The following CNOT10 variants were observed in gnomAD, a reference collection of about 807,000 sequenced individuals.
The protein encoded by CNOT10 is CCR4-NOT transcription complex, subunit 10.
In CNOT10, 30 loss-of-function variants were observed where a neutral mutation model predicts 94.6. The observed-to-expected ratio is 0.32, with a 90% confidence interval of 0.24 to 0.43. The LOEUF is 0.43. Ranked by LOEUF, CNOT10 falls within the 20% of genes least tolerant of loss-of-function variation. The pLI is 1.00. For synonymous variants in CNOT10, 289 were observed against 301.6 expected (o/e 0.96, Z 0.43); for missense variants, 759 against 877.2 (o/e 0.87, Z 1.70).
intron 13 of CNOT10, among the ~76,000 whole-genome samples, chr3:32,739,175 G>A (rs1403266592): frequency 6.6e-6 from 1 of 152,090 alleles, no homozygotes; most frequent in African/African-American, 2.4e-5. Context: ...CAAAGTTTTG[G>A]GATTACAGGC....
At chr3:32,697,850 G>C (rs542995798) in intron 1 of CNOT10, among the ~76,000 whole-genome samples, 1 of 152,132 alleles carries the variant, frequency 6.6e-6, no homozygotes, top group African/African-American at 2.4e-5. Flanking sequence ...TTTAAATTAT[G>C]CTTCTTTATG....
chr3:32,703,559 A>G (rs990751101), intron 1 of CNOT10, among the ~76,000 whole-genome samples: 3 of 152,154 alleles, frequency 2.0e-5, no homozygotes, highest in Non-Finnish European at 4.4e-5. Flanking sequence ...TGACCTATTG[A>G]TCTGATAACC....
intron 1 of CNOT10, among the ~76,000 whole-genome samples, chr3:32,699,975 CTT>C (rs565780036): frequency 1.4e-4 from 18 of 129,172 alleles, no homozygotes; most frequent in Admixed American, 1.6e-4. Context: ...ATATCAGTTT[CTT>C]TTTTTTTTTT....
At chr3:32,735,048 A>G in intron 12 of CNOT10, 72 bp downstream of exon 12, 1 of 1,270,784 alleles carries the variant, frequency 7.9e-7, no homozygotes, top group Admixed American at 2.3e-5. Flanking sequence ...TTGTTCTTTA[A>G]GTAAATTCCT....
Position 32,761,705 on chromosome 3 carries a change from G to A in CNOT10, c.1710-1028G>A, listed in dbSNP as rs1230740988. 7.3e-5 allele frequency among the ~76,000 whole-genome samples: 11 copies of A among 149,884 alleles called. No individual in the cohort carries two copies. The South Asian group carries it at 2.1e-3, about 29-fold the overall frequency. Reference sequence around the variant, plus strand: ...TGCGTAGCTGGGATTACAGGTGCACGCCACTATGCCCTACTAATTTCTTTT... The same window carrying A: ...TGCGTAGCTGGGATTACAGGTGCACACCACTATGCCCTACTAATTTCTTTT... On this transcript the variant is annotated intron_variant, in intron 14 of 18. Coordinates refer to ENST00000328834, the MANE Select transcript of CNOT10 (RefSeq NM_015442.3).
At chr3:32,740,535 A>G (rs1440202964) in intron 13 of CNOT10, among the ~76,000 whole-genome samples, 4 of 151,850 alleles carry the variant, frequency 2.6e-5, no homozygotes, top group East Asian at 2.0e-4. Flanking sequence ...TTGTTTTACA[A>G]TATTTTCATT....
chr3:32,695,963 AAGAGAGTGT>A, intron 1 of CNOT10: 1 of 594,090 alleles, frequency 1.7e-6, no homozygotes, highest in South Asian at 1.9e-5. Context: ...AATCCTGTTG[AAGAGAGTGT>A]GTGTGTGTGT....
At chr3:32,717,940 A>G (rs1363752685) in intron 7 of CNOT10, among the ~76,000 whole-genome samples, 2 of 152,172 alleles carry the variant, frequency 1.3e-5, no homozygotes, top group African/African-American at 4.8e-5. Context: ...GCCCCTTCCA[A>G]GTGACTTTTG....
intron 15 of CNOT10, 51 bp downstream of exon 15, chr3:32,762,914 C>T (rs1476734991): frequency 2.1e-6 from 3 of 1,454,444 alleles, no homozygotes; most frequent in Non-Finnish European, 2.7e-6. Flanking sequence ...CATTTCCCTC[C>T]TGTCATAATT....
intron 4 of CNOT10, among the ~76,000 whole-genome samples, chr3:32,712,158 T>A (rs1697919390): frequency 8.0e-6 from 1 of 125,014 alleles, no homozygotes; most frequent in African/African-American, 3.3e-5. Context: ...ATCAGGTGTT[T>A]GTTTGTTTTT....
chr3:32,700,961 A>G (rs1697314057), intron 1 of CNOT10, among the ~76,000 whole-genome samples: 1 of 152,236 alleles, frequency 6.6e-6, no homozygotes, highest in African/African-American at 2.4e-5. Context: ...AAATTTTTGC[A>G]GAAAAGAAAA....
At chr3:32,705,935 G>A (rs1697599353) in intron 3 of CNOT10, among the ~76,000 whole-genome samples, 1 of 152,136 alleles carries the variant, frequency 6.6e-6, no homozygotes, top group Admixed American at 6.5e-5. Flanking sequence ...AATGCATACT[G>A]GGTGCCAAAT....
chr3:32,692,281 G>A (rs1485314054), intron 1 of CNOT10, among the ~76,000 whole-genome samples: 1 of 152,050 alleles, frequency 6.6e-6, no homozygotes, highest in Non-Finnish European at 1.5e-5. Flanking sequence ...TTATTTGTAG[G>A]CACAGGGTCC....
chr3:32,751,497 C>T (rs558908362), intron 13 of CNOT10, among the ~76,000 whole-genome samples: 2 of 152,172 alleles, frequency 1.3e-5, no homozygotes, highest in East Asian at 3.9e-4. Context: ...TTAATTAAGC[C>T]CAGTTATTCC....
At position 32,764,827 on chromosome 3, in the gene CNOT10, G is replaced by C; in HGVS notation, c.2004+18G>C. ...TCCACCAGGTGAGTCCAGAGTGGGA[G>C]GAACTGAACCTTGTAAAGCAGCCAA... On this transcript the variant is annotated intron_variant, in intron 17 of 18. Coordinates refer to ENST00000328834, the MANE Select transcript of CNOT10 (RefSeq NM_015442.3). The C allele has an allele frequency of 6.2e-7, 1 of 1,610,694 alleles. No individual in the cohort carries two copies. Among genetic ancestry groups the C allele is most frequent in the Non-Finnish European group, 8.5e-7 (1 of 1,178,952 alleles).
intron 15 of CNOT10, 111 bp from the exon 16 acceptor site, chr3:32,764,344 A>G: frequency 8.4e-7 from 1 of 1,187,704 alleles, no homozygotes; most frequent in Non-Finnish European, 1.2e-6. Flanking sequence ...CTCAAAAAAA[A>G]AAAAAAGAAA....
At position 32,759,489 on chromosome 3, in the gene CNOT10, G is replaced by C. The variant is rs781568777; in HGVS notation, c.1627G>C (p.Ala543Pro). The change falls in exon 14 of 19, where the codon GCT (alanine) becomes CCT (proline). Residue 543 changes from alanine (A) to proline (P), a missense_variant. Transcript: ENST00000328834. The stretch of plus-strand genomic sequence containing the variant: ...CATACTTGCTTGCAGTGCCTACGTG[G>C]CTCTGGCTTTGGGTGATAACCTCAT... ...CSILACSAYV[A>P]LALGDNLMAL... 6.2e-7 allele frequency: 1 copy of C among 1,613,906 alleles called. No individual in the cohort carries two copies. The highest frequency in any genetic ancestry group is 8.5e-7 in the Non-Finnish European group (1 of 1,179,908).
At chr3:32,703,297 G>A (rs951510332) in intron 1 of CNOT10, among the ~76,000 whole-genome samples, 1 of 151,880 alleles carries the variant, frequency 6.6e-6, no homozygotes, top group African/African-American at 2.4e-5. Flanking sequence ...TGAAAACTAG[G>A]GACAAATTCA....
intron 3 of CNOT10, among the ~76,000 whole-genome samples, chr3:32,707,560 T>C (rs1697680599): frequency 6.6e-6 from 1 of 152,172 alleles, no homozygotes; most frequent in African/African-American, 2.4e-5. Flanking sequence ...TCCAAGCACT[T>C]TGGGAGGCCG....
Sources: gnomAD v4.1 joint callset for allele counts (sites outside exome capture counted in the v4.1 genomes callset) on GRCh38, gnomAD v4.1.1 for gene constraint, MANE v1.5 for transcripts, NCBI Gene and HGNC (gene_info 2026-07-23, HGNC 2026-07-21) for gene names.